The following TRAFD1 variants were observed in gnomAD, a reference collection of about 807,000 sequenced individuals.
The protein encoded by TRAFD1 is TRAF-type zinc finger domain containing 1, also known as TRAF-type zinc finger domain-containing protein 1.
Under a neutral mutation model 65.3 loss-of-function variants are expected in TRAFD1, and 38 were observed. The observed-to-expected ratio is 0.58, with a 90% confidence interval of 0.45 to 0.76. The LOEUF is 0.76. Among genes scored for constraint, TRAFD1 ranks in the 30% least tolerant of loss-of-function variants. The probability of loss-of-function intolerance (pLI) is 0.00; values close to 1 mark genes in which losing one functional copy is unlikely to be tolerated. For missense variants in TRAFD1, 631 were observed against 712.6 expected (o/e 0.89, Z 1.30); for synonymous variants, 223 against 257.2 (o/e 0.87, Z 1.27).
In TRAFD1 at chr12:112,137,497, T is replaced by C. The variant is rs2029941308; in HGVS notation, c.237+2431T>C. 6.6e-6 allele frequency among the ~76,000 whole-genome samples: 1 copy of C among 152,190 alleles called. No individual in the cohort carries two copies. Among genetic ancestry groups the C allele is most frequent in the Non-Finnish European group, 1.5e-5 (1 of 68,034 alleles). Reference sequence around the variant, plus strand: ...TCATTTCTTGGCTGGGCGCAGTGGCTCACGCCTGTAATCCCAGCACTTTGG... The same window carrying C: ...TCATTTCTTGGCTGGGCGCAGTGGCCCACGCCTGTAATCCCAGCACTTTGG... On this transcript the variant is annotated intron_variant, in intron 4 of 11. Transcript: ENST00000412615. This position sits in a 1 kb window ranked among gnomAD's most constrained non-coding sequence, Gnocchi z 4.2.
chr12:112,136,777 G>C lies in TRAFD1; in HGVS notation c.237+1711G>C, dbSNP rs1169399022. 2.0e-5 allele frequency among the ~76,000 whole-genome samples: 3 copies of C among 152,098 alleles called. No individual in the cohort carries two copies. In the South Asian group the frequency reaches 6.2e-4, roughly 32 times the overall value. On this transcript the variant is annotated intron_variant, in intron 4 of 11. Coordinates refer to ENST00000412615, the MANE Select transcript of TRAFD1 (RefSeq NM_006700.3). The stretch of plus-strand genomic sequence containing the variant: ...ATTTTATTTATTTTTGTTTTTCATA[G>C]AGTTGGGGTCTTGTTATGTTGCCCA...
At chr12:112,135,695 C>T (rs2136971840) in intron 4 of TRAFD1, among the ~76,000 whole-genome samples, 1 of 152,180 alleles carries the variant, frequency 6.6e-6, no homozygotes, top group East Asian at 1.9e-4. Context: ...GCGTGAGCCA[C>T]CACATCTGGC....
chr12:112,143,207 G>A (rs371367227), intron 6 of TRAFD1, among the ~76,000 whole-genome samples: 1 of 151,824 alleles, frequency 6.6e-6, no homozygotes, highest in African/African-American at 2.4e-5. Context: ...AGTCTCCCGA[G>A]TAGCTGGGAC....
intron 2 of TRAFD1, 74 bp from the exon 3 acceptor site, chr12:112,134,664 T>C: frequency 5.2e-6 from 8 of 1,535,258 alleles, no homozygotes; most frequent in South Asian, 1.2e-5. Context: ...CAGATTTCCA[T>C]GTGATGCCAC....
intron 1 of TRAFD1, among the ~76,000 whole-genome samples, chr12:112,126,599 G>T (rs1435066899): frequency 6.6e-6 from 1 of 151,988 alleles, no homozygotes; most frequent in Admixed American, 6.5e-5. Context: ...CTGGAATAGA[G>T]CACACCTGAA....
chr12:112,131,233 G>C (rs1025145279), intron 2 of TRAFD1, among the ~76,000 whole-genome samples: 3 of 152,112 alleles, frequency 2.0e-5, no homozygotes, highest in Non-Finnish European at 2.9e-5. Flanking sequence ...GGTTTTATAT[G>C]TATAGCTACT....
chr12:112,150,580 G>A (rs2030372558), intron 9 of TRAFD1, among the ~76,000 whole-genome samples: 1 of 151,414 alleles, frequency 6.6e-6, no homozygotes, highest in Admixed American at 6.6e-5. Flanking sequence ...ATTTTTTTTA[G>A]ACAGGGTCTC....
intron 7 of TRAFD1, among the ~76,000 whole-genome samples, chr12:112,146,844 G>C (rs2030260791): frequency 6.6e-6 from 1 of 152,088 alleles, no homozygotes; most frequent in Non-Finnish European, 1.5e-5. Context: ...GCAGGTTCTG[G>C]GTTTTCCCAG....
chr12:112,134,952 G>GC (rs2136971280), intron 3 of TRAFD1, 61 bp from the exon 4 acceptor site: 2 of 1,611,208 alleles, frequency 1.2e-6, no homozygotes, highest in East Asian at 4.5e-5. Context: ...TTGCTATTGT[G>GC]CAATAGCAAA....
intron 7 of TRAFD1, among the ~76,000 whole-genome samples, chr12:112,146,396 C>T (rs2030248150): frequency 6.6e-6 from 1 of 151,986 alleles, no homozygotes; most frequent in African/African-American, 2.4e-5. Flanking sequence ...GAATGATGCT[C>T]ATTTCAGCAG....
intron 6 of TRAFD1, among the ~76,000 whole-genome samples, chr12:112,143,443 T>G (rs2136977357): frequency 6.6e-6 from 1 of 151,180 alleles, no homozygotes; most frequent in South Asian, 2.1e-4. Context: ...CAGGCTGGTC[T>G]CAAACTCTTG....
At position 112,137,495 on chromosome 12, in the gene TRAFD1, G is replaced by A. The variant is rs373090993; in HGVS notation, c.237+2429G>A. 2.0e-5 allele frequency among the ~76,000 whole-genome samples: 3 copies of A among 152,184 alleles called. No individual in the cohort carries two copies. Among genetic ancestry groups the A allele is most frequent in the African/African-American group, 7.2e-5 (3 of 41,456 alleles). ...CTTCATTTCTTGGCTGGGCGCAGTG[G>A]CTCACGCCTGTAATCCCAGCACTTT... On this transcript the variant is annotated intron_variant, in intron 4 of 11. Transcript: ENST00000412615. The surrounding 1 kb of genome is among the most constrained non-coding windows in gnomAD (Gnocchi z 4.2).
chr12:112,147,179 C>T (rs1379782050), intron 7 of TRAFD1, among the ~76,000 whole-genome samples: 3 of 151,466 alleles, frequency 2.0e-5, no homozygotes, highest in South Asian at 4.2e-4. Flanking sequence ...TTGTATTTTT[C>T]GTAGAGACAG....
In TRAFD1 at chr12:112,152,392, A is replaced by G. The variant is rs979255597; in HGVS notation, c.1620-35A>G. On this transcript the variant is annotated intron_variant, in intron 10 of 11. Coordinates refer to ENST00000412615, the MANE Select transcript of TRAFD1 (RefSeq NM_006700.3). The surrounding 1 kb of genome is among the most constrained non-coding windows in gnomAD (Gnocchi z 5.0). The stretch of plus-strand genomic sequence containing the variant: ...AGTTTGTTGACCTTTGCTCAGGGAC[A>G]CTTCAGGAGCTAGTTTCTAATTGTT... 2.5e-6 allele frequency: 4 copies of G among 1,608,236 alleles called. No homozygotes were observed. In the Admixed American group the frequency reaches 5.0e-5, roughly 20 times the overall value.
chr12:112,148,402 C>A, intron 8 of TRAFD1, 98 bp downstream of exon 8: 1 of 1,053,266 alleles, frequency 9.5e-7, no homozygotes, highest in South Asian at 1.5e-5. Flanking sequence ...TGCATTCCAT[C>A]CTGACAAGGA....
chr12:112,142,123 C>A lies in TRAFD1; in HGVS notation c.678C>A (p.Gly226=). The change falls in exon 6 of 12, where the codon GGC becomes GGA. Residue 226 remains glycine (G), a synonymous_variant. Transcript: ENST00000412615. The part of the protein sequence containing the change: ...EEQERQERNR[G]QQPPKEGGEE... ...AAGAGAGGCAGGAAAGGAATAGAGG[C>A]CAACAGCCCCCCAAAGAGGGTGGTG... 1.9e-6 allele frequency: 3 copies of A among 1,613,480 alleles called. No homozygotes were observed. In the East Asian group the frequency reaches 6.7e-5, roughly 36 times the overall value.
chr12:112,148,369 G>T, intron 8 of TRAFD1, 65 bp downstream of exon 8: 1 of 1,391,760 alleles, frequency 7.2e-7, no homozygotes, highest in African/African-American at 1.4e-5. Context: ...CCAGAGCTGA[G>T]AACACTTCCT....
At chr12:112,149,077 A>G (rs1476696381) in intron 8 of TRAFD1, among the ~76,000 whole-genome samples, 6 of 151,836 alleles carry the variant, frequency 4.0e-5, no homozygotes, top group Non-Finnish European at 5.9e-5. Flanking sequence ...AATTAGCTGG[A>G]TGTGGTGGCG....
At chr12:112,144,710 A>G (rs1437493015) in intron 6 of TRAFD1, among the ~76,000 whole-genome samples, 1 of 152,154 alleles carries the variant, frequency 6.6e-6, no homozygotes, top group Non-Finnish European at 1.5e-5. Context: ...GTCAGACTTC[A>G]TTTCTACACA....
Sources: allele counts gnomAD v4.1 joint callset (sites outside exome capture counted in the v4.1 genomes callset), GRCh38; gene constraint gnomAD v4.1.1; non-coding constraint Gnocchi (gnomAD v3.1); transcripts MANE v1.5; gene names NCBI Gene and HGNC (gene_info 2026-07-23, HGNC 2026-07-21).